ZNF44: variants seen among roughly 807,000 people sequenced by gnomAD.
ZNF44 encodes the protein zinc finger protein 44, also known as gonadotropin inducible transcription repressor-2.
Under a neutral mutation model 11.7 loss-of-function variants are expected in ZNF44, and 9 were observed. The observed-to-expected ratio is 0.77, with a 90% confidence interval of 0.46 to 1.35. The LOEUF is 1.35. ZNF44 is among the 40% of genes most tolerant of loss of function. The probability of loss-of-function intolerance (pLI) is 0.00; values close to 1 mark genes in which losing one functional copy is unlikely to be tolerated. For missense variants in ZNF44, 696 were observed against 743.1 expected (o/e 0.94, Z 0.74); for synonymous variants, 224 against 242.7 (o/e 0.92, Z 0.72).
In ZNF44 at chr19:12,276,067, CA is replaced by C; in HGVS notation, c.18del (p.Phe6LeufsTer6). On this transcript the variant is annotated frameshift_variant, in exon 2 of 4. Transcript: ENST00000355684. LOFTEE classifies it high-confidence loss of function. ...TGGGTGAAGTTCACAGCCACATCCT[CA>C]AAGGCCACTGAGTCCTGAAACATCC... Reference protein sequence around the residue: MDSVAFEDVAVNFTHE... With the variant: MDSVAXEDVAVNFTHE... 1 of 1,606,720 alleles carries C rather than the reference CA, an allele frequency of 6.2e-7. No individual in the cohort carries two copies. Among genetic ancestry groups the C allele is most frequent in the Non-Finnish European group, 8.5e-7 (1 of 1,175,052 alleles).
At chr19:12,243,052 G>T (rs943300080), downstream of ZNF44, among the ~76,000 whole-genome samples, 5 of 152,242 alleles carry the variant, frequency 3.3e-5, no homozygotes, top group East Asian at 9.7e-4. Flanking sequence ...ACACAGAACT[G>T]CAAGGTGACA....
At chr19:12,286,470 C>T (rs1440694430) in intron 1 of ZNF44, among the ~76,000 whole-genome samples, 1 of 151,598 alleles carries the variant, frequency 6.6e-6, no homozygotes, top group South Asian at 2.1e-4. Flanking sequence ...CCCGTCTCTA[C>T]TAAAAATACA....
exon 8 of ZNF44, chr19:12,248,334 C>T: frequency 7.7e-7 from 1 of 1,293,530 alleles, no homozygotes; most frequent in Non-Finnish European, 1.0e-6. Flanking sequence ...ACGTTGACAA[C>T]TGAAGGCTTT....
downstream of ZNF44, among the ~76,000 whole-genome samples, chr19:12,269,391 G>A (rs780427095): frequency 4.6e-5 from 7 of 152,044 alleles, no homozygotes; most frequent in Admixed American, 6.6e-5. Context: ...GCATGGCGGC[G>A]GGTGCCTGTA....
intron 1 of ZNF44, among the ~76,000 whole-genome samples, chr19:12,281,419 G>A (rs900052128): frequency 6.6e-6 from 1 of 152,144 alleles, no homozygotes; most frequent in African/African-American, 2.4e-5. Context: ...TCTTTGGAAT[G>A]GAGTAAAGGC....
chr19:12,259,512 C>T (rs1917407081), intron 5 of ZNF44, among the ~76,000 whole-genome samples: 1 of 152,186 alleles, frequency 6.6e-6, no homozygotes, highest in African/African-American at 2.4e-5. Flanking sequence ...CTGGGTCAAA[C>T]TGTGGACTTC....
At chr19:12,239,593 T>G (rs1916538354), upstream of ZNF44, among the ~76,000 whole-genome samples, 1 of 140,212 alleles carries the variant, frequency 7.1e-6, no homozygotes, top group African/African-American at 2.7e-5. Context: ...TTTTTTTTTT[T>G]GAGATAGAGT....
In ZNF44 at chr19:12,226,923, G is replaced by A. The variant is rs1438454716; in HGVS notation, n.437-396C>T. Among the ~76,000 whole-genome samples the A allele has an allele frequency of 5.3e-5, 8 of 152,120 alleles. No individual in the cohort carries two copies. In the East Asian group the frequency reaches 1.2e-3, roughly 22 times the overall value. On this transcript the variant is annotated intron_variant and non_coding_transcript_variant, in intron 3 of 3. Coordinates refer to the ZNF44 transcript ENST00000597563. ...TCTACTGAAAATACAAAAATTAGCC[G>A]GGTGTGGTGGCGAACGCCTGTAATC...
intron 5 of ZNF44, chr19:12,260,194 A>C (rs1917445548): frequency 3.9e-6 from 3 of 771,788 alleles, no homozygotes; most frequent in Non-Finnish European, 7.1e-6. Flanking sequence ...GACTATGCCG[A>C]CCTACAGCAC....
chr19:12,240,068 T>A (rs973424443), upstream of ZNF44, among the ~76,000 whole-genome samples: 3 of 152,202 alleles, frequency 2.0e-5, no homozygotes, highest in African/African-American at 7.2e-5. Flanking sequence ...GTTCATGGAT[T>A]GTAAGACTTC....
chr19:12,248,349 C>CA (rs1214586380), exon 8 of ZNF44: 1 of 1,292,506 alleles, frequency 7.7e-7, no homozygotes, highest in Non-Finnish European at 1.0e-6. Flanking sequence ...GGCTTTCCCA[C>CA]AGGCCTTACA....
At chr19:12,290,915 C>T (rs556806850) in intron 1 of ZNF44, 2 of 178,232 alleles carry the variant, frequency 1.1e-5, no homozygotes, top group South Asian at 2.1e-4. Flanking sequence ...AGGCCATTTG[C>T]TTACCCTTTC....
At chr19:12,294,628 C>A in intron 1 of ZNF44, 64 bp downstream of exon 1, 1 of 1,541,756 alleles carries the variant, frequency 6.5e-7, no homozygotes, top group Non-Finnish European at 8.7e-7. Context: ...CCGCCACAGC[C>A]GGTTCCGACT....
rs998832949 is a variant in ZNF44, at chr19:12,273,161, T to C, written c.1094A>G (p.Tyr365Cys). ...HEGTHTLEKP[Y>C]ECKQCGKLLS... ...CAATTTCCCACATTGCTTACATTCA[T>C]AGGGTTTCTCTAGAGTGTGAGTTCC... The change falls in exon 4 of 4, where the codon TAT becomes TGT. Residue 365 changes from tyrosine to cysteine, a missense_variant. Transcript: ENST00000355684. The C allele has an allele frequency of 3.1e-6, 5 of 1,613,882 alleles. No homozygotes were observed. The highest frequency in any genetic ancestry group is 2.2e-5 in the East Asian group (1 of 44,872).
chr19:12,289,081 G>C (rs993110816), intron 1 of ZNF44, among the ~76,000 whole-genome samples: 1 of 151,780 alleles, frequency 6.6e-6, no homozygotes, highest in African/African-American at 2.4e-5. Flanking sequence ...GAAGTGGGTG[G>C]ATCTCTTGAG....
At chr19:12,242,282 C>T (rs1916643542), upstream of ZNF44, among the ~76,000 whole-genome samples, 2 of 150,726 alleles carry the variant, frequency 1.3e-5, no homozygotes, top group South Asian at 4.2e-4. Context: ...CCGAGGTGGG[C>T]AGATCACATG....
chr19:12,260,429 C>A, intron 5 of ZNF44: 8 of 1,437,986 alleles, frequency 5.6e-6, no homozygotes, highest in Non-Finnish European at 7.7e-6. Flanking sequence ...AGAACAAGTA[C>A]CGCCCCGACC....
At chr19:12,251,831 C>G (rs1917010397) in intron 5 of ZNF44, among the ~76,000 whole-genome samples, 1 of 152,098 alleles carries the variant, frequency 6.6e-6, no homozygotes, top group Non-Finnish European at 1.5e-5. Flanking sequence ...GCAGGCAGAT[C>G]ACCTGAGGTC....
chr19:12,270,452 CT>C (rs913439315), downstream of ZNF44, among the ~76,000 whole-genome samples: 28 of 147,206 alleles, frequency 1.9e-4, no homozygotes, highest in African/African-American at 2.2e-4. Context: ...CCCATTTCAA[CT>C]TTTTTTTTTT....
Sources: allele counts gnomAD v4.1 joint callset (sites outside exome capture counted in the v4.1 genomes callset), GRCh38; gene constraint gnomAD v4.1.1; transcripts MANE v1.5; gene names NCBI Gene and HGNC (gene_info 2026-07-23, HGNC 2026-07-21).